The following NFX1 variants were observed in gnomAD, a reference collection of about 807,000 sequenced individuals.
NFX1 encodes nuclear transcription factor, X-box binding 1.
In NFX1, 69 loss-of-function variants were observed where a neutral mutation model predicts 137.2. That is an observed-to-expected ratio of 0.50 (90% CI 0.41 to 0.61). The LOEUF (loss-of-function observed/expected upper bound fraction) is 0.61. Among genes scored for constraint, NFX1 ranks in the 20% least tolerant of loss-of-function variants. The pLI, the probability that NFX1 is intolerant of heterozygous loss-of-function variation, is 0.00. For missense variants in NFX1, 1,167 were observed against 1,391.0 expected (o/e 0.84, Z 2.56); for synonymous variants, 495 against 474.1 (o/e 1.04, Z -0.57).
At chr9:33,347,768 G>T in intron 15 of NFX1, 1 of 335,514 alleles carries the variant, frequency 3.0e-6, no homozygotes, top group South Asian at 2.4e-5. Context: ...GCAAAAATGT[G>T]GAACCAGCCC....
Position 33,347,190 on chromosome 9 carries a change from C to G in NFX1, c.2424+73C>G, listed in dbSNP as rs1823454157. On this transcript the variant is annotated intron_variant, in intron 15 of 23. Coordinates refer to ENST00000379540, the MANE Select transcript of NFX1 (RefSeq NM_002504.6). ...ATTTTATTACTTAAGAATTGTTAGT[C>G]TCATCGTCTGTCAAAGTAAATACAC... 4.3e-6 allele frequency: 5 copies of G among 1,172,442 alleles called. No homozygotes were observed. The Admixed American group carries it at 5.9e-5, about 14-fold the overall frequency. 72.6% of individuals were successfully genotyped at this position (1,172,442 alleles called of 1,614,324 possible).
chr9:33,332,590 C>A, intron 11 of NFX1, 88 bp downstream of exon 11: 1 of 948,420 alleles, frequency 1.1e-6, no homozygotes, highest in South Asian at 1.6e-5. Context: ...ATGTATTTGT[C>A]AAAATTCAGT....
chr9:33,342,651 A>G (rs1823270175), intron 12 of NFX1, 95 bp from the exon 13 acceptor site: 10 of 825,078 alleles, frequency 1.2e-5, no homozygotes, highest in African/African-American at 1.7e-5. Context: ...TTATCCATAA[A>G]TGTGTAGAGC....
chr9:33,352,714 T>A lies in NFX1; in HGVS notation c.2724T>A (p.Tyr908Ter). The change falls in exon 17 of 24, where the codon TAT becomes TAA. Residue 908 changes from tyrosine to a stop codon, truncating the protein, a stop_gained. Transcript: ENST00000379540. LOFTEE classifies it high-confidence loss of function. ...MVICSEASST[Y>*]QRIAAISMAS... ...TTTGCTCTGAAGCATCTAGTACTTA[T>A]CAAAGGTTAGTGTTACTTAAATGTT... The A allele has an allele frequency of 6.2e-7, 1 of 1,613,520 alleles. No homozygotes were observed. The highest frequency in any genetic ancestry group is 8.5e-7 in the Non-Finnish European group (1 of 1,179,402).
chr9:33,328,766 G>A, intron 10 of NFX1, 88 bp downstream of exon 10: 1 of 1,070,050 alleles, frequency 9.3e-7, no homozygotes, highest in Admixed American at 1.9e-5. Context: ...AATAACCTCA[G>A]TAGATTAGGT....
At chr9:33,305,559 G>A (rs1437749189) in intron 4 of NFX1, among the ~76,000 whole-genome samples, 1 of 152,210 alleles carries the variant, frequency 6.6e-6, no homozygotes, top group East Asian at 1.9e-4. Context: ...TCTTTATGGA[G>A]ATTAGTTTGG....
intron 1 of NFX1, among the ~76,000 whole-genome samples, chr9:33,293,712 T>C (rs1460177357): frequency 6.6e-6 from 1 of 152,222 alleles, no homozygotes; most frequent in Non-Finnish European, 1.5e-5. Flanking sequence ...AAGCATCTTC[T>C]GGGGGAACAT....
intron 16 of NFX1, chr9:33,352,398 C>T: frequency 1.6e-6 from 1 of 607,074 alleles, no homozygotes; most frequent in Non-Finnish European, 3.1e-6. Context: ...CCTAGGCCTG[C>T]CCCTTCAGCC....
chr9:33,364,673 G>A (rs1824117307), intron 20 of NFX1, 35 bp from the exon 21 acceptor site: 1 of 1,601,408 alleles, frequency 6.2e-7, no homozygotes, highest in Non-Finnish European at 8.5e-7. Context: ...GAAGGGCAGG[G>A]ACAGACAAAA....
chr9:33,370,687 A>T lies in NFX1; in HGVS notation c.*709A>T, dbSNP rs143548972. 1 of 152,246 alleles carries T rather than the reference A, an allele frequency of 6.6e-6. No individual in the cohort carries two copies. Among genetic ancestry groups the T allele is most frequent in the African/African-American group, 2.4e-5 (1 of 41,440 alleles). 9.4% of individuals were successfully genotyped at this position (152,246 alleles called of 1,614,324 possible). On this transcript the variant is annotated 3_prime_UTR_variant, in exon 24 of 24. Transcript: ENST00000379540. ...CACATCACTGAACCTGTTCAGTAAC[A>T]ATCAGTTTGGCCGTCCCCCATGATG...
In NFX1 at chr9:33,316,291, T is replaced by C. The variant is rs17251129; in HGVS notation, c.1589-2440T>C. Among the ~76,000 whole-genome samples, 340 of 152,194 alleles carry C rather than the reference T, an allele frequency of 2.2e-3. 1 individual carries two copies. Among genetic ancestry groups the C allele is most frequent in the Non-Finnish European group, 3.8e-3 (258 of 68,018 alleles). Reference sequence around the variant, plus strand: ...TAACAGGAAGTGCAGAAAAGCTCTCTATCCTGGTACTTACCAAGCCTTTTT... The same window carrying C: ...TAACAGGAAGTGCAGAAAAGCTCTCCATCCTGGTACTTACCAAGCCTTTTT... On this transcript the variant is annotated intron_variant, in intron 7 of 23. Coordinates refer to ENST00000379540, the MANE Select transcript of NFX1 (RefSeq NM_002504.6).
intron 5 of NFX1, among the ~76,000 whole-genome samples, chr9:33,308,640 C>T (rs528686732): frequency 6.6e-6 from 1 of 152,080 alleles, no homozygotes; most frequent in Non-Finnish European, 1.5e-5. Flanking sequence ...TTATCTAAGC[C>T]TGCATCTGTA....
At chr9:33,324,384 A>T (rs888211733) in intron 9 of NFX1, among the ~76,000 whole-genome samples, 9 of 151,986 alleles carry the variant, frequency 5.9e-5, no homozygotes, top group East Asian at 1.9e-4. Context: ...ATCTCAAAAA[A>T]AATAATAATA....
At chr9:33,347,702 C>G in intron 15 of NFX1, 2 of 439,434 alleles carry the variant, frequency 4.6e-6, no homozygotes, top group Non-Finnish European at 9.1e-6. Context: ...GAAAAGAAGT[C>G]ATTATATGAA....
At chr9:33,318,555 G>C (rs1195829003) in intron 7 of NFX1, among the ~76,000 whole-genome samples, 176 bp from the exon 8 acceptor site, 1 of 152,136 alleles carries the variant, frequency 6.6e-6, no homozygotes, top group Non-Finnish European at 1.5e-5. Context: ...TAGAGCTGCT[G>C]TATGAACTAT....
chr9:33,300,057 G>A (rs1429744222), intron 2 of NFX1, among the ~76,000 whole-genome samples: 1 of 138,888 alleles, frequency 7.2e-6, no homozygotes, highest in Non-Finnish European at 1.5e-5. Context: ...TGGTACCTAT[G>A]TTATAGCATT....
intron 9 of NFX1, among the ~76,000 whole-genome samples, chr9:33,326,414 A>T (rs1291905102): frequency 1.8e-5 from 2 of 112,182 alleles, no homozygotes; most frequent in African/African-American, 8.3e-5. Flanking sequence ...CTCTGTCTTT[A>T]AAAAAAAAAA....
chr9:33,366,798 G>A (rs1283898233), intron 22 of NFX1, 24 bp downstream of exon 22: 1 of 1,609,698 alleles, frequency 6.2e-7, no homozygotes. Flanking sequence ...GCCGTCAGAG[G>A]AAGAACTCCT....
chr9:33,323,071 C>T (rs1422063452), intron 9 of NFX1, among the ~76,000 whole-genome samples: 1 of 152,150 alleles, frequency 6.6e-6, no homozygotes. Flanking sequence ...TGAGCGTAAT[C>T]CAAATAAGGC....
Sources: gnomAD v4.1 joint callset for allele counts (sites outside exome capture counted in the v4.1 genomes callset) on GRCh38, gnomAD v4.1.1 for gene constraint, MANE v1.5 for transcripts, NCBI Gene and HGNC (gene_info 2026-07-23, HGNC 2026-07-21) for gene names.